The following ABCG1 variants were observed in gnomAD, a reference collection of about 807,000 sequenced individuals.
ABCG1 encodes ATP binding cassette subfamily G member 1, also known as ATP-binding cassette sub-family G member 1.
Under a neutral mutation model 69.2 loss-of-function variants are expected in ABCG1, and 29 were observed. That is an observed-to-expected ratio of 0.42 (90% CI 0.31 to 0.57). ABCG1 has a LOEUF of 0.57. ABCG1 is among the 20% of genes least tolerant of loss of function. The pLI, the probability that ABCG1 is intolerant of heterozygous loss-of-function variation, is 0.15. For synonymous variants in ABCG1, 370 were observed against 374.8 expected (o/e 0.99, Z 0.15); for missense variants, 718 against 898.1 (o/e 0.80, Z 2.56).
At chr21:42,227,966 C>T (rs964371787) in intron 2 of ABCG1, among the ~76,000 whole-genome samples, 13 of 152,214 alleles carry the variant, frequency 8.5e-5, no homozygotes, top group Non-Finnish European at 1.6e-4. Context: ...ACCTCTCGCC[C>T]AGTCCCTCCC....
intron 8 of ABCG1, 84 bp downstream of exon 8, chr21:42,286,078 T>G: frequency 1.1e-6 from 1 of 898,936 alleles, no homozygotes; most frequent in Non-Finnish European, 1.8e-6. Context: ...CGCCCCCAAC[T>G]CAGAAACCAC....
intron 2 of ABCG1, among the ~76,000 whole-genome samples, chr21:42,228,252 C>T (rs975890611): frequency 7.9e-5 from 12 of 152,106 alleles, no homozygotes; most frequent in South Asian, 2.1e-4. Flanking sequence ...TGCAATGGGC[C>T]GCCGAGGGAC....
Position 42,273,384 on chromosome 21 carries a change from C to T in ABCG1, c.486C>T (p.Ile162=), listed in dbSNP as rs1569230523. The T allele has an allele frequency of 6.2e-7, 1 of 1,613,940 alleles. No individual in the cohort carries two copies. The highest frequency in any genetic ancestry group is 1.1e-5 in the South Asian group (1 of 91,088). ...LRCFRKVSCY[I]MQDDMLLPHL... ...GCTTCCGGAAGGTGTCCTGCTACAT[C>T]ATGCAGGATGACATGCTGCTGCCGC... The change falls in exon 4 of 15, where the codon ATC becomes ATT. Residue 162 remains isoleucine, a synonymous_variant. Coordinates refer to ENST00000398449, the MANE Select transcript of ABCG1 (RefSeq NM_016818.3). The surrounding 1 kb of genome is among the most constrained non-coding windows in gnomAD (Gnocchi z 5.3).
At chr21:42,231,950 G>A (rs1186231653) in intron 2 of ABCG1, among the ~76,000 whole-genome samples, 2 of 152,236 alleles carry the variant, frequency 1.3e-5, no homozygotes, top group African/African-American at 4.8e-5. Flanking sequence ...GCTTGCTTGA[G>A]GCTGGGGCAT....
At chr21:42,279,843 C>T (rs771807413) in intron 5 of ABCG1, among the ~76,000 whole-genome samples, 2 of 152,198 alleles carry the variant, frequency 1.3e-5, no homozygotes, top group Non-Finnish European at 2.9e-5. Flanking sequence ...AGAATGGAGG[C>T]GCCTCCCAGG....
rs1449736213 is a variant in ABCG1, at chr21:42,271,140, T to C, written c.357T>C (p.Pro119=). ...NSGELVAIMG[P]SGAGKSTLMN... The stretch of plus-strand genomic sequence containing the variant: ...GTGAGTTGGTGGCCATTATGGGTCC[T>C]TCCGGGGCCGGGAAGTCCACGCTGA... The change falls in exon 3 of 15, where the codon CCT becomes CCC. Residue 119 remains proline, a synonymous_variant. Coordinates refer to ENST00000398449, the MANE Select transcript of ABCG1 (RefSeq NM_016818.3). The C allele has an allele frequency of 1.3e-6, 2 of 1,582,162 alleles. No individual in the cohort carries two copies. Among genetic ancestry groups the C allele is most frequent in the African/African-American group, 2.7e-5 (2 of 73,110 alleles).
chr21:42,232,910 A>C (rs2067921314), intron 2 of ABCG1, among the ~76,000 whole-genome samples: 1 of 152,258 alleles, frequency 6.6e-6, no homozygotes, highest in Non-Finnish European at 1.5e-5. Context: ...AGCTATGAAC[A>C]AAGAAAACCA....
chr21:42,201,816 T>C, intron 2 of ABCG1: 1 of 1,598,246 alleles, frequency 6.3e-7, no homozygotes, highest in Non-Finnish European at 8.5e-7. Context: ...TGATGTAGTC[T>C]AGAGATGATT....
At position 42,258,109 on chromosome 21, in the gene ABCG1, C is replaced by T. The variant is rs1373910640; in HGVS notation, c.287-12961C>T. Reference sequence around the variant, plus strand: ...CTTCCACACTTTTCCCCATCCACTCCATCAGCCTCTCCATCCATCCCTCCA... The same window carrying T: ...CTTCCACACTTTTCCCCATCCACTCTATCAGCCTCTCCATCCATCCCTCCA... On this transcript the variant is annotated intron_variant, in intron 2 of 14. Transcript: ENST00000398449. Among the ~76,000 whole-genome samples the T allele has an allele frequency of 6.8e-5, 6 of 87,798 alleles. 2 individuals are homozygous for T. Among genetic ancestry groups the T allele is most frequent in the African/African-American group, 2.8e-4 (5 of 18,140 alleles). The allele number at this position is 87,798 out of a possible 152,430, so 57.6% of individuals were successfully genotyped here. A position where few individuals can be genotyped will look rare whatever the true frequency, so the allele number is the denominator to read the frequency against.
rs1770039941 is a variant in ABCG1 at position 42,288,192 on chromosome 21, C to T, written c.1123-19C>T. 6.2e-7 allele frequency: 1 copy of T among 1,613,384 alleles called. No individual in the cohort carries two copies. The highest frequency in any genetic ancestry group is 8.5e-7 in the Non-Finnish European group (1 of 1,179,306). ...TCCGGACTGGCTTTCACCCGCTCCC[C>T]TCTTGCGTGTGTCCTCAGGACTCCT... On this transcript the variant is annotated intron_variant, in intron 9 of 14. Coordinates refer to ENST00000398449, the MANE Select transcript of ABCG1 (RefSeq NM_016818.3). The surrounding 1 kb of genome is among the most constrained non-coding windows in gnomAD (Gnocchi z 4.8).
intron 2 of ABCG1, among the ~76,000 whole-genome samples, chr21:42,226,225 T>A (rs1438780150): frequency 6.6e-6 from 1 of 152,200 alleles, no homozygotes; most frequent in Non-Finnish European, 1.5e-5. Flanking sequence ...GAGAGTCCTC[T>A]TTTGTGGATG....
chr21:42,266,752 T>C (rs1482578277), intron 2 of ABCG1, among the ~76,000 whole-genome samples: 1 of 152,206 alleles, frequency 6.6e-6, no homozygotes, highest in African/African-American at 2.4e-5. Flanking sequence ...GCTTCCTTTC[T>C]AGGGTAATTA....
At chr21:42,290,668 G>A (rs2069039433) in intron 11 of ABCG1, among the ~76,000 whole-genome samples, 1 of 152,224 alleles carries the variant, frequency 6.6e-6, no homozygotes, top group South Asian at 2.1e-4. Flanking sequence ...CACAGCGGCT[G>A]CTTCTCCAGA....
intron 2 of ABCG1, among the ~76,000 whole-genome samples, chr21:42,263,271 A>G (rs1239157645): frequency 6.6e-6 from 1 of 152,200 alleles, no homozygotes; most frequent in Non-Finnish European, 1.5e-5. Flanking sequence ...TGACTTTTCC[A>G]TGGGCAAAGG....
rs1376466579 is a variant in ABCG1, at chr21:42,288,212, A to G, written c.1124A>G (p.Asp375Gly). The G allele has an allele frequency of 1.2e-6, 2 of 1,613,542 alleles. No homozygotes were observed. Among genetic ancestry groups the G allele is most frequent in the East Asian group, 2.2e-5 (1 of 44,840 alleles). Residue 375 changes from aspartate to glycine, a missense_variant and splice_region_variant, in exon 10 of 15, where the codon GAC becomes GGC. Asp to Gly is a moderately conservative substitution (Grantham distance 94). Coordinates refer to ENST00000398449, the MANE Select transcript of ABCG1 (RefSeq NM_016818.3). This position sits in a 1 kb window ranked among gnomAD's most constrained non-coding sequence, Gnocchi z 4.8. ...CTCCCCTCTTGCGTGTGTCCTCAGG[A>G]CTCCTCGTCCATGGAAGGCTGCCAC... ...PFLWHRPSEE[D>G]SSSMEGCHSF...
intron 2 of ABCG1, among the ~76,000 whole-genome samples, chr21:42,261,046 C>A (rs1019770439): frequency 6.6e-6 from 1 of 152,188 alleles, no homozygotes; most frequent in Non-Finnish European, 1.5e-5. Flanking sequence ...TGGTCTCGAT[C>A]TCCTGACCTT....
chr21:42,294,869 A>C, intron 14 of ABCG1: 2 of 551,230 alleles, frequency 3.6e-6, no homozygotes, highest in East Asian at 3.1e-5. Flanking sequence ...AGGCCACACA[A>C]ACCAGCGCTT....
At chr21:42,280,629 GAGAA>G (rs1387848423) in intron 5 of ABCG1, among the ~76,000 whole-genome samples, 7 of 152,230 alleles carry the variant, frequency 4.6e-5, no homozygotes, top group African/African-American at 1.7e-4. Context: ...GCGGACACTG[GAGAA>G]AGTGGGGTGG....
In ABCG1 at chr21:42,296,218, G is replaced by A; in HGVS notation, c.1827G>A (p.Leu609=). The change falls in exon 15 of 15, where the codon CTG becomes CTA. Residue 609 remains leucine, a synonymous_variant. Transcript: ENST00000398449. The surrounding 1 kb of genome is among the most constrained non-coding windows in gnomAD (Gnocchi z 5.4). ...TCTATGGCTTAGACCGGGAAGATCT[G>A]CACTGTGACATCGACGAGACGTGCC... ...LSIYGLDRED[L]HCDIDETCHF... is the part of the protein sequence containing the mutation. 1 of 1,614,094 alleles carries A rather than the reference G, an allele frequency of 6.2e-7. No homozygotes were observed. The highest frequency in any genetic ancestry group is 8.5e-7 in the Non-Finnish European group (1 of 1,180,006).
Sources: gnomAD v4.1 joint callset for allele counts (sites outside exome capture counted in the v4.1 genomes callset) on GRCh38, gnomAD v4.1.1 for gene constraint, Gnocchi (gnomAD v3.1) non-coding constraint, MANE v1.5 for transcripts, NCBI Gene and HGNC (gene_info 2026-07-23, HGNC 2026-07-21) for gene names.